HTATSF1: variants seen among roughly 807,000 people sequenced by gnomAD.
HTATSF1 encodes 17S U2 SnRNP complex component HTATSF1.
A neutral mutation model predicts 46.1 loss-of-function variants in HTATSF1; 6 were observed. That is an observed-to-expected ratio of 0.13 (90% CI 0.07 to 0.26). The LOEUF is 0.26. Among genes scored for constraint, HTATSF1 ranks in the 10% least tolerant of loss-of-function variants. The pLI is 1.00. For synonymous variants in HTATSF1, 226 were observed against 211.5 expected (o/e 1.07, Z -0.60); for missense variants, 452 against 559.9 (o/e 0.81, Z 1.94).
intron 5 of HTATSF1, among the ~76,000 whole-genome samples, chrX:136,504,131 A>G (rs1050132215): frequency 8.9e-6 from 1 of 111,927 alleles, no homozygotes; most frequent in Non-Finnish European, 1.9e-5. Context: ...TCGGCCTCCC[A>G]AAGTGCTGGG....
At position 136,500,668 on chromosome X, in the gene HTATSF1, G is replaced by A; in HGVS notation, c.420G>A (p.Leu140=). The A allele has an allele frequency of 8.9e-7, 1 of 1,121,969 alleles. No individual in the cohort carries two copies. Among genetic ancestry groups the A allele is most frequent in the Middle Eastern group, 2.5e-4 (1 of 4,079 alleles). The allele number at this position is 1,121,969 out of a possible 1,213,427, so 92.5% of individuals were successfully genotyped here. Residue 140 remains leucine (L), a synonymous_variant, in exon 4 of 9, where the codon TTG becomes TTA. Transcript: ENST00000218364. Reference sequence around the variant, plus strand: ...TTAATTTTTCTTAAATGACAGGTTTGCCTCCAGATATTACAGTGGATGAAT... The same window carrying A: ...TTAATTTTTCTTAAATGACAGGTTTACCTCCAGATATTACAGTGGATGAAT... The part of the protein sequence containing the change: ...DRNTNVYVSG[L]PPDITVDEFI...
At chrX:136,501,176 A>G (rs185065716) in intron 4 of HTATSF1, among the ~76,000 whole-genome samples, 2 of 112,291 alleles carry the variant, frequency 1.8e-5, no homozygotes, top group African/African-American at 3.2e-5. Context: ...GGAATGAATT[A>G]CACCAGGGTT....
At chrX:136,509,318 A>G in intron 7 of HTATSF1, 138 bp downstream of exon 7, 1 of 455,885 alleles carries the variant, frequency 2.2e-6, no homozygotes, top group Non-Finnish European at 3.8e-6. Flanking sequence ...ATAATCATCT[A>G]TTAGCAATAA....
At chrX:136,497,517 G>A, upstream of HTATSF1, 1 of 306,320 alleles carries the variant, frequency 3.3e-6, no homozygotes, top group Non-Finnish European at 5.6e-6. Context: ...CGGTGCAGCC[G>A]CCGAGCGGCC....
Position 136,511,375 on chromosome X carries a change from T to C in HTATSF1, c.1630T>C (p.Ser544Pro). 2.5e-6 allele frequency: 3 copies of C among 1,209,537 alleles called. No individual in the cohort carries two copies. Among genetic ancestry groups the C allele is most frequent in the Non-Finnish European group, 3.4e-6 (3 of 894,874 alleles). ...GPTKESEEDD[S>P]EKESDEDCSE... ...CACAAAAGAGTCCGAAGAAGATGAC[T>C]CAGAGAAAGAGTCTGATGAAGACTG... The change falls in exon 9 of 9, where the codon TCA becomes CCA. Residue 544 changes from serine to proline, a missense_variant. Physicochemically the swap from Ser to Pro is moderately conservative, Grantham distance 74 (BLOSUM62 -1). Around this residue, in one of 3 missense-constraint regions of HTATSF1, gnomAD observed 246 missense variants for 245.3 expected, o/e 1.00. Transcript: ENST00000218364.
Position 136,511,969 on chromosome X carries a change from A to G in HTATSF1, c.2224A>G (p.Ser742Gly), listed in dbSNP as rs750180465. The change falls in exon 9 of 9, where the codon AGC (serine) becomes GGC (glycine). Residue 742 changes from serine to glycine, a missense_variant. Physicochemically the swap from Ser to Gly is moderately conservative, Grantham distance 56. This residue lies in a region of HTATSF1 where 246 missense variants were observed against 245.3 expected (regional missense o/e 1.00). Coordinates refer to ENST00000218364, the MANE Select transcript of HTATSF1 (RefSeq NM_014500.5). ...TGAAGAAGGGCCCCTATCCACTGGC[A>G]GCAGCTTTATTCTCAGTAGCGATGA... ...SVEEGPLSTGSSFILSSDDDD... is the reference protein window; with the variant it reads ...SVEEGPLSTGGSFILSSDDDD... The G allele has an allele frequency of 8.3e-7, 1 of 1,210,664 alleles. No individual in the cohort carries two copies. The highest frequency in any genetic ancestry group is 1.1e-6 in the Non-Finnish European group (1 of 895,041).
chrX:136,504,344 T>A lies in HTATSF1; in HGVS notation c.735-20T>A. ...CTGAAGCAAAATTTACAGTTTGTTG[T>A]TACTGCTTCATTGCCTCAGGCAGTT... On this transcript the variant is annotated intron_variant, in intron 5 of 8. Coordinates refer to ENST00000218364, the MANE Select transcript of HTATSF1 (RefSeq NM_014500.5). 1 of 1,171,976 alleles carries A rather than the reference T, an allele frequency of 8.5e-7. No individual in the cohort carries two copies. The highest frequency in any genetic ancestry group is 1.2e-6 in the Non-Finnish European group (1 of 862,630).
At chrX:136,509,041 T>G (rs1276684279) in intron 6 of HTATSF1, 50 bp from the exon 7 acceptor site, 2 of 859,367 alleles carry the variant, frequency 2.3e-6, no homozygotes, top group Non-Finnish European at 3.5e-6. Context: ...TTCTCAGGAT[T>G]TATAGTTAAA....
rs377306438 is a variant in HTATSF1, at chrX:136,502,798, A to G, written c.591A>G (p.Ala197=). The G allele has an allele frequency of 6.0e-6, 7 of 1,157,989 alleles. No individual in the cohort carries two copies. The highest frequency in any genetic ancestry group is 5.4e-5 in the African/African-American group (3 of 55,684). The change falls in exon 5 of 9, where the codon GCA becomes GCG. Residue 197 remains alanine (A), a synonymous_variant. Coordinates refer to ENST00000218364, the MANE Select transcript of HTATSF1 (RefSeq NM_014500.5). The part of the protein sequence containing the change: ...CYLKRESVEL[A]LKLLDEDEIR... The stretch of plus-strand genomic sequence containing the variant: ...TAAAGAGAGAATCTGTGGAACTTGC[A>G]TTAAAACTTTTGGATGAAGATGAAA...
At chrX:136,499,573 CG>C (rs774503159) in intron 1 of HTATSF1, 24 bp from the exon 2 acceptor site, 1 of 1,109,785 alleles carries the variant, frequency 9.0e-7, no homozygotes, top group East Asian at 3.2e-5. Context: ...TTTCTCTGTC[CG>C]GGTCTGTTGA....
chrX:136,511,301 A>G lies in HTATSF1; in HGVS notation c.1556A>G (p.Lys519Arg), dbSNP rs1306019986. ...GATTGTGAAGAGAATGGCCTTGCAA[A>G]GGAATCTGAAGATGACCTCAACAAG... ...KNDCEENGLA[K>R]ESEDDLNKES... is the part of the protein sequence containing the mutation. Residue 519 changes from lysine to arginine, a missense_variant, in exon 9 of 9, where the codon AAG (lysine) becomes AGG (arginine). Transcript: ENST00000218364. 5 of 1,206,583 alleles carry G rather than the reference A, an allele frequency of 4.1e-6. No homozygotes were observed. In the East Asian group the frequency reaches 1.5e-4, roughly 36 times the overall value.
Position 136,510,939 on chromosome X carries a change from A to G in HTATSF1, c.1194A>G (p.Arg398=). 13 of 1,211,804 alleles carry G rather than the reference A, an allele frequency of 1.1e-5. No homozygotes were observed. Among genetic ancestry groups the G allele is most frequent in the Non-Finnish European group, 1.5e-5 (13 of 895,456 alleles). The part of the protein sequence containing the change: ...VSASERAGPS[R]ARHFSEHPST... ...CTTCCGAAAGGGCAGGGCCTTCTAGAGCAAGGCATTTTTCAGAGCACCCCA... is the reference window on the plus strand; with the variant it reads ...CTTCCGAAAGGGCAGGGCCTTCTAGGGCAAGGCATTTTTCAGAGCACCCCA... The change falls in exon 9 of 9, where the codon AGA becomes AGG. Residue 398 remains arginine (R), a synonymous_variant. Coordinates refer to ENST00000218364, the MANE Select transcript of HTATSF1 (RefSeq NM_014500.5).
At chrX:136,509,887 C>A (rs758024759) in intron 7 of HTATSF1, among the ~76,000 whole-genome samples, 195 bp from the exon 8 acceptor site, 1 of 112,074 alleles carries the variant, frequency 8.9e-6, no homozygotes, top group South Asian at 3.8e-4. Flanking sequence ...TTGGTTCTTG[C>A]TAGGTAAGAT....
intron 4 of HTATSF1, among the ~76,000 whole-genome samples, chrX:136,501,319 G>T (rs1175580339): frequency 8.9e-6 from 1 of 112,230 alleles, no homozygotes; most frequent in Non-Finnish European, 1.9e-5. Context: ...AGACCTTGTG[G>T]CCTACAAAGC....
Position 136,504,467 on chromosome X carries a change from G to C in HTATSF1, c.834+4G>C, listed in dbSNP as rs747894736. On this transcript the variant is annotated splice_donor_region_variant and intron_variant, in intron 6 of 8. Coordinates refer to ENST00000218364, the MANE Select transcript of HTATSF1 (RefSeq NM_014500.5). ...GTTTCATCCTATGGATTTTGAGGTA[G>C]GAAGTGGTGTGCTTACTGATAGAAA... 1.7e-6 allele frequency: 2 copies of C among 1,177,872 alleles called. No individual in the cohort carries two copies. The highest frequency in any genetic ancestry group is 2.3e-6 in the Non-Finnish European group (2 of 867,747).
At chrX:136,505,741 C>T (rs1000483190) in intron 6 of HTATSF1, among the ~76,000 whole-genome samples, 2 of 111,082 alleles carry the variant, frequency 1.8e-5, no homozygotes, top group East Asian at 2.8e-4. Context: ...ATGGTAAGAT[C>T]GCGCCACTGC....
chrX:136,505,819 C>T, intron 6 of HTATSF1, among the ~76,000 whole-genome samples: 1 of 111,591 alleles, frequency 9.0e-6, no homozygotes, highest in East Asian at 2.8e-4. Flanking sequence ...AACAAAGAAC[C>T]AGATCATAGT....
Position 136,497,698 on chromosome X carries a change from A to G in HTATSF1, c.14A>G (p.Asn5Ser), listed in dbSNP as rs1246314679. Residue 5 changes from asparagine (N) to serine (S), a missense_variant, in exon 1 of 9, where the codon AAC (asparagine) becomes AGC (serine). By Grantham distance (46) the Asn-to-Ser change is conservative. Transcript: ENST00000218364. ...TAGGTAGGAAACATGAGCGGCACCA[A>G]CTTGGATGGGAACGATGAGTTTGAT... Reference protein sequence around the residue: MSGTNLDGNDEFDEQ... With the variant: MSGTSLDGNDEFDEQ... 3 of 1,196,464 alleles carry G rather than the reference A, an allele frequency of 2.5e-6. No homozygotes were observed. The highest frequency in any genetic ancestry group is 2.2e-5 in the Admixed American group (1 of 45,613).
chrX:136,508,454 A>G (rs763380103), intron 6 of HTATSF1, among the ~76,000 whole-genome samples: 1 of 112,339 alleles, frequency 8.9e-6, no homozygotes, highest in South Asian at 3.7e-4. Flanking sequence ...CAGTACTTGA[A>G]TGTTCTTAAT....
Sources: allele counts gnomAD v4.1 joint callset (sites outside exome capture counted in the v4.1 genomes callset), GRCh38; gene constraint gnomAD v4.1.1; regional missense constraint gnomAD v4.1.1; transcripts MANE v1.5; gene names NCBI Gene and HGNC (gene_info 2026-07-23, HGNC 2026-07-21).